KIF15: variants seen among roughly 807,000 people sequenced by gnomAD.
KIF15 encodes the protein kinesin-like protein KIF15.
In KIF15, 140 loss-of-function variants were observed where a neutral mutation model predicts 190.6. The observed-to-expected ratio is 0.73, with a 90% confidence interval of 0.64 to 0.84. The LOEUF (loss-of-function observed/expected upper bound fraction) is 0.84. Among genes scored for constraint, KIF15 ranks in the 40% least tolerant of loss-of-function variants. KIF15 has a pLI of 0.00. For missense variants in KIF15, 1,372 were observed against 1,584.4 expected (o/e 0.87, Z 2.28); for synonymous variants, 528 against 551.3 (o/e 0.96, Z 0.59).
At chr3:44,764,660 A>G (rs1220569454) in intron 1 of KIF15, among the ~76,000 whole-genome samples, 1 of 152,104 alleles carries the variant, frequency 6.6e-6, no homozygotes, top group African/African-American at 2.4e-5. Flanking sequence ...CTTTTTTGAG[A>G]CAGAGTCTTG....
At chr3:44,824,641 G>A (rs1697543299) in intron 20 of KIF15, among the ~76,000 whole-genome samples, 1 of 152,064 alleles carries the variant, frequency 6.6e-6, no homozygotes, top group South Asian at 2.1e-4. Context: ...AATCTCATGG[G>A]ATCTTAATTT....
chr3:44,773,859 T>G (rs541597848), intron 1 of KIF15, among the ~76,000 whole-genome samples: 33 of 152,214 alleles, frequency 2.2e-4, no homozygotes, highest in African/African-American at 7.7e-4. Flanking sequence ...CATGGATACA[T>G]TGAAAGGTGA....
chr3:44,801,469 T>C lies in KIF15; in HGVS notation c.1242T>C (p.Tyr414=). Residue 414 remains tyrosine, a synonymous_variant, in exon 12 of 35, where the codon TAT becomes TAC. Coordinates refer to ENST00000326047, the MANE Select transcript of KIF15 (RefSeq NM_020242.3). ...FLTRDKKKTN[Y]MEYFQEAMLF... is the part of the protein sequence containing the mutation. ...TTACAGACAAAAAGAAGACTAACTATATGGAGTATTTCCAGGAAGCAATGT... is the reference window on the plus strand; with the variant it reads ...TTACAGACAAAAAGAAGACTAACTACATGGAGTATTTCCAGGAAGCAATGT... 1 of 1,572,080 alleles carries C rather than the reference T, an allele frequency of 6.4e-7. No homozygotes were observed. Among genetic ancestry groups the C allele is most frequent in the Non-Finnish European group, 8.7e-7 (1 of 1,143,316 alleles).
intron 6 of KIF15, chr3:44,862,093 G>T: frequency 9.1e-7 from 1 of 1,097,616 alleles, no homozygotes; most frequent in Non-Finnish European, 1.1e-6. Context: ...CGCCGCCTCC[G>T]CCAAGCTGGC....
At chr3:44,765,524 CT>C (rs1705337798) in intron 1 of KIF15, among the ~76,000 whole-genome samples, 2 of 152,186 alleles carry the variant, frequency 1.3e-5, no homozygotes, top group African/African-American at 4.8e-5. Flanking sequence ...GGATCTCTTT[CT>C]TTCTATGACT....
Position 44,802,027 on chromosome 3 carries a change from A to G in KIF15, c.1509+53A>G, listed in dbSNP as rs771066869. 79 of 1,316,890 alleles carry G rather than the reference A, an allele frequency of 6.0e-5. 1 individual carries two copies. The South Asian group carries it at 9.4e-4, about 16-fold the overall frequency. 81.6% of individuals were successfully genotyped at this position (1,316,890 alleles called of 1,614,324 possible). A position where few individuals can be genotyped will look rare whatever the true frequency, so the allele number is the denominator to read the frequency against. On this transcript the variant is annotated intron_variant, in intron 13 of 34. Coordinates refer to ENST00000326047, the MANE Select transcript of KIF15 (RefSeq NM_020242.3). ...TAAAAATAAAAGAAGTTCAAAGCAA[A>G]TCTAAGTTTGTCAGCAAGTACTTGT...
At chr3:44,848,476 G>T in intron 31 of KIF15, 45 bp from the exon 32 acceptor site, 1 of 850,342 alleles carries the variant, frequency 1.2e-6, no homozygotes, top group South Asian at 1.6e-5. Flanking sequence ...TGTTATTTAA[G>T]AACCTAAGCA....
chr3:44,826,473 TA>T lies in KIF15; in HGVS notation c.2786+14del. On this transcript the variant is annotated intron_variant, in intron 22 of 34. Transcript: ENST00000326047. ...AAAACAGTTCTAAGTGAGTGCTATT[TA>T]TTTTTTCTACTAGCATACTAGAATA... The T allele has an allele frequency of 6.5e-7, 1 of 1,529,258 alleles. No individual in the cohort carries two copies. The highest frequency in any genetic ancestry group is 9.0e-7 in the Non-Finnish European group (1 of 1,110,104). 94.7% of individuals were successfully genotyped at this position (1,529,258 alleles called of 1,614,324 possible).
intron 31 of KIF15, 21 bp from the exon 32 acceptor site, chr3:44,848,500 C>T (rs1698947515): frequency 3.9e-6 from 4 of 1,034,416 alleles, no homozygotes; most frequent in Non-Finnish European, 5.7e-6. Flanking sequence ...TTTTTATTTT[C>T]TTTTTTTAAT....
intron 29 of KIF15, 25 bp from the exon 30 acceptor site, chr3:44,843,100 A>C: frequency 6.4e-7 from 1 of 1,564,782 alleles, no homozygotes; most frequent in Non-Finnish European, 8.7e-7. Context: ...GTGTTTTTTG[A>C]AAAGATACGA....
intron 3 of KIF15, among the ~76,000 whole-genome samples, chr3:44,777,339 T>C (rs1705939425): frequency 6.6e-6 from 1 of 152,136 alleles, no homozygotes; most frequent in African/African-American, 2.4e-5. Flanking sequence ...ATGGATGTTT[T>C]TGGGCCAACA....
At chr3:44,855,632 C>T (rs1699180348), downstream of KIF15, among the ~76,000 whole-genome samples, 2 of 152,018 alleles carry the variant, frequency 1.3e-5, no homozygotes, top group Non-Finnish European at 2.9e-5. Flanking sequence ...TGGGAACCTA[C>T]AGTGGGAGAG....
At chr3:44,827,219 A>AT (rs1194181881) in intron 22 of KIF15, 11 of 450,770 alleles carry the variant, frequency 2.4e-5, no homozygotes, top group Non-Finnish European at 2.1e-5. Context: ...TATATGATAT[A>AT]TGTTATATTT....
At chr3:44,795,854 G>A (rs1706951213) in intron 8 of KIF15, among the ~76,000 whole-genome samples, 1 of 151,984 alleles carries the variant, frequency 6.6e-6, no homozygotes, top group Non-Finnish European at 1.5e-5. Flanking sequence ...GCAGTTTCAG[G>A]CAATCTGAAG....
intron 26 of KIF15, among the ~76,000 whole-genome samples, chr3:44,834,741 G>A (rs1004553232): frequency 9.3e-5 from 14 of 151,304 alleles, no homozygotes; most frequent in African/African-American, 1.5e-4. Flanking sequence ...TGGTTAACAC[G>A]GTGAAACCCC....
intron 20 of KIF15, among the ~76,000 whole-genome samples, chr3:44,815,640 C>G (rs1408772795): frequency 1.3e-5 from 2 of 152,224 alleles, no homozygotes; most frequent in African/African-American, 4.8e-5. Flanking sequence ...GCTGTGCACA[C>G]TAACTCTACA....
At chr3:44,806,156 C>T (rs1444443243) in intron 16 of KIF15, among the ~76,000 whole-genome samples, 170 bp downstream of exon 16, 1 of 152,106 alleles carries the variant, frequency 6.6e-6, no homozygotes, top group Non-Finnish European at 1.5e-5. Context: ...ACTGATGTAT[C>T]CCCCCAGTGG....
intron 22 of KIF15, chr3:44,826,898 G>A: frequency 2.7e-6 from 1 of 376,428 alleles, no homozygotes; most frequent in African/African-American, 2.1e-5. Flanking sequence ...TGAATCTTTG[G>A]GCCTCGGTCA....
intron 6 of KIF15, 89 bp downstream of exon 6, chr3:44,785,031 G>T: frequency 1.5e-6 from 1 of 671,418 alleles, no homozygotes; most frequent in Non-Finnish European, 2.6e-6. Flanking sequence ...ACATGGTGGA[G>T]CATGGATGGT....
Sources: allele counts gnomAD v4.1 joint callset (sites outside exome capture counted in the v4.1 genomes callset), GRCh38; gene constraint gnomAD v4.1.1; transcripts MANE v1.5; gene names NCBI Gene and HGNC (gene_info 2026-07-23, HGNC 2026-07-21).